MAGI3: variants seen among roughly 807,000 people sequenced by gnomAD.
MAGI3 encodes membrane associated guanylate kinase, WW and PDZ domain containing 3.
A neutral mutation model predicts 121.8 loss-of-function variants in MAGI3; 43 were observed. The observed-to-expected ratio is 0.35, with a 90% CI of 0.28 to 0.46. The LOEUF is 0.46. Ranked by LOEUF, MAGI3 falls within the 20% of genes least tolerant of loss-of-function variation. MAGI3 has a pLI of 1.00. For synonymous variants in MAGI3, 553 were observed against 639.3 expected (o/e 0.86, Z 2.04); for missense variants, 1,547 against 1,797.3 (o/e 0.86, Z 2.52).
chr1:113,579,036 C>T (rs1647845379), intron 2 of MAGI3, among the ~76,000 whole-genome samples: 1 of 152,130 alleles, frequency 6.6e-6, no homozygotes, highest in South Asian at 2.1e-4. Flanking sequence ...AAGAGTTTCC[C>T]ATGAATTAAC....
At chr1:113,439,756 A>C (rs541867959) in intron 1 of MAGI3, among the ~76,000 whole-genome samples, 1 of 152,344 alleles carries the variant, frequency 6.6e-6, no homozygotes, top group East Asian at 1.9e-4. Flanking sequence ...TTCAATTGCC[A>C]CAATAAATTT....
At chr1:113,445,468 G>T (rs1198630184) in intron 1 of MAGI3, among the ~76,000 whole-genome samples, 2 of 152,060 alleles carry the variant, frequency 1.3e-5, no homozygotes, top group Non-Finnish European at 2.9e-5. Flanking sequence ...AATGAGTCAG[G>T]TGTGTTGGCA....
rs370174678 is a variant in MAGI3, at chr1:113,653,845, A to G, written c.2456A>G (p.Asp819Gly). The change falls in exon 15 of 21, where the codon GAC (aspartate) becomes GGC (glycine). Residue 819 changes from aspartate (D) to glycine (G), a missense_variant. Asp to Gly is a moderately conservative substitution (Grantham distance 94, BLOSUM62 -1). Transcript: ENST00000307546. Reference sequence around the variant, plus strand: ...TTTATTACAGAAAAACAACCCGAGGACGACAGCTCTCAGGCCTTCATTTCA... The same window carrying G: ...TTTATTACAGAAAAACAACCCGAGGGCGACAGCTCTCAGGCCTTCATTTCA... ...KIFYGEKQPE[D>G]DSSQAFISTQ... 7.5e-6 allele frequency: 12 copies of G among 1,600,534 alleles called. No homozygotes were observed. Among genetic ancestry groups the G allele is most frequent in the Non-Finnish European group, 1.0e-5 (12 of 1,175,512 alleles).
At chr1:113,494,334 AAC>A (rs1327015436) in intron 1 of MAGI3, among the ~76,000 whole-genome samples, 5 of 152,062 alleles carry the variant, frequency 3.3e-5, no homozygotes, top group Non-Finnish European at 7.4e-5. Flanking sequence ...ACACGGGAAC[AAC>A]ACACGCTGGG....
chr1:113,469,075 C>A (rs903994970), intron 1 of MAGI3, among the ~76,000 whole-genome samples: 2 of 152,034 alleles, frequency 1.3e-5, no homozygotes, highest in Non-Finnish European at 2.9e-5. Context: ...CAGGAAGAAA[C>A]CTACATCTAG....
At chr1:113,586,524 CATA>C (rs1291919757) in intron 4 of MAGI3, among the ~76,000 whole-genome samples, 2 of 152,174 alleles carry the variant, frequency 1.3e-5, no homozygotes, top group Non-Finnish European at 1.5e-5. Context: ...CTATCTTTCA[CATA>C]ATACGTTTAA....
chr1:113,568,139 G>C (rs1660509495), intron 2 of MAGI3, among the ~76,000 whole-genome samples: 1 of 152,026 alleles, frequency 6.6e-6, no homozygotes, highest in South Asian at 2.1e-4. Context: ...AACTTTGGGG[G>C]ATAATGGTTT....
In MAGI3 at chr1:113,662,022, T is replaced by G. The variant is rs1653807025; in HGVS notation, c.2815+2757T>G. 2.6e-5 allele frequency among the ~76,000 whole-genome samples: 4 copies of G among 152,206 alleles called. No homozygotes were observed. The South Asian group carries it at 8.3e-4, about 31-fold the overall frequency. On this transcript the variant is annotated intron_variant, in intron 16 of 20. Coordinates refer to ENST00000307546, the MANE Select transcript of MAGI3 (RefSeq NM_001142782.2). ...TCAGTATAAAATCTATCAACTGCAT[T>G]AATGAGTCAAATGAATATTTATAAC...
chr1:113,594,437 C>T (rs768234022), intron 5 of MAGI3, 44 bp from the exon 6 acceptor site: 3 of 1,451,722 alleles, frequency 2.1e-6, no homozygotes, highest in African/African-American at 1.4e-5. Flanking sequence ...ATAATTTTCT[C>T]CTCCTTTATT....
chr1:113,503,309 GA>G (rs59331456), intron 1 of MAGI3, among the ~76,000 whole-genome samples: 983 of 36,076 alleles, frequency 0.027, 10 homozygotes, highest in African/African-American at 0.1. Context: ...CCTGTCTCAG[GA>G]AAAAAAAAAA....
At chr1:113,628,812 TG>T (rs1241300008) in intron 9 of MAGI3, among the ~76,000 whole-genome samples, 2 of 152,186 alleles carry the variant, frequency 1.3e-5, no homozygotes, top group African/African-American at 4.8e-5. Context: ...GTATGTTACT[TG>T]TTTCTTTTCT....
chr1:113,555,539 C>T (rs899973129), intron 2 of MAGI3, among the ~76,000 whole-genome samples: 1 of 152,158 alleles, frequency 6.6e-6, no homozygotes, highest in African/African-American at 2.4e-5. Context: ...GCAGATGATA[C>T]ATTTACAAAT....
At chr1:113,650,189 A>G (rs1653077276) in intron 13 of MAGI3, among the ~76,000 whole-genome samples, 1 of 152,154 alleles carries the variant, frequency 6.6e-6, no homozygotes, top group African/African-American at 2.4e-5. Context: ...TATTGGTTAC[A>G]GTTACAACAG....
rs1189996410 is a variant in MAGI3 at position 113,642,533 on chromosome 1, C to T, written c.1966+17C>T. 3.1e-6 allele frequency: 5 copies of T among 1,590,846 alleles called. No individual in the cohort carries two copies. Among genetic ancestry groups the T allele is most frequent in the Non-Finnish European group, 4.3e-6 (5 of 1,168,294 alleles). ...TAAGAGGAGGTAAGTAAAAGCACAACATAGAAAAAGTTTCAGTGTTCAAGC... is the reference window on the plus strand; with the variant it reads ...TAAGAGGAGGTAAGTAAAAGCACAATATAGAAAAAGTTTCAGTGTTCAAGC... On this transcript the variant is annotated intron_variant, in intron 10 of 20. Coordinates refer to ENST00000307546, the MANE Select transcript of MAGI3 (RefSeq NM_001142782.2).
intron 3 of MAGI3, 81 bp from the exon 4 acceptor site, chr1:113,585,306 G>T: frequency 7.7e-7 from 1 of 1,304,976 alleles, no homozygotes; most frequent in South Asian, 1.3e-5. Flanking sequence ...TGAAAAACAG[G>T]GCAGAGACAT....
intron 1 of MAGI3, among the ~76,000 whole-genome samples, chr1:113,476,150 G>A (rs1655808111): frequency 6.6e-6 from 1 of 151,802 alleles, no homozygotes; most frequent in South Asian, 2.1e-4. Context: ...TATCAGTTTT[G>A]TTGATCTTTT....
chr1:113,504,988 G>C (rs557170221), intron 1 of MAGI3, among the ~76,000 whole-genome samples: 1 of 152,138 alleles, frequency 6.6e-6, no homozygotes, highest in Non-Finnish European at 1.5e-5. Context: ...CCAAAATCCT[G>C]TGTGTGAGTT....
At chr1:113,671,911 C>A (rs933586948) in intron 17 of MAGI3, 75 bp downstream of exon 17, 1 of 1,298,932 alleles carries the variant, frequency 7.7e-7, no homozygotes, top group Admixed American at 1.9e-5. Context: ...CATAACCCCA[C>A]TCCCCATCAT....
chr1:113,585,127 C>T (rs1323480533), intron 3 of MAGI3, among the ~76,000 whole-genome samples: 2 of 151,788 alleles, frequency 1.3e-5, no homozygotes, highest in Non-Finnish European at 2.9e-5. Flanking sequence ...TGCTACCATA[C>T]CTGGCTAATT....
Sources: allele counts gnomAD v4.1 joint callset (sites outside exome capture counted in the v4.1 genomes callset), GRCh38; gene constraint gnomAD v4.1.1; transcripts MANE v1.5; gene names NCBI Gene and HGNC (gene_info 2026-07-23, HGNC 2026-07-21).